The following VPS35L variants were observed in gnomAD, a reference collection of about 807,000 sequenced individuals.
VPS35L encodes the protein VPS35 endosomal protein-sorting factor-like.
A neutral mutation model predicts 133.0 loss-of-function variants in VPS35L; 83 were observed. The ratio of observed to expected loss-of-function variants is 0.62; its 90% CI spans 0.52 to 0.75. The LOEUF is 0.75. VPS35L is among the 30% of genes least tolerant of loss of function. The probability of loss-of-function intolerance (pLI) is 0.00; values close to 1 mark genes in which losing one functional copy is unlikely to be tolerated. For synonymous variants in VPS35L, 423 were observed against 449.9 expected (o/e 0.94, Z 0.76); for missense variants, 1,083 against 1,206.8 (o/e 0.90, Z 1.52).
chr16:19,610,242 T>G, intron 11 of VPS35L, 80 bp from the exon 12 acceptor site: 1 of 1,219,616 alleles, frequency 8.2e-7, no homozygotes, highest in East Asian at 2.6e-5. Flanking sequence ...ATTTAGGAAG[T>G]CTTTATCTTT....
Position 19,633,204 on chromosome 16 carries a change from G to A in VPS35L, c.1635+32G>A. 6.3e-7 allele frequency: 1 copy of A among 1,597,330 alleles called. No individual in the cohort carries two copies. Among genetic ancestry groups the A allele is most frequent in the East Asian group, 2.2e-5 (1 of 44,816 alleles). On this transcript the variant is annotated intron_variant, in intron 19 of 30. Coordinates refer to ENST00000417362, the MANE Select transcript of VPS35L (RefSeq NM_020314.7). The surrounding 1 kb of genome is among the most constrained non-coding windows in gnomAD (Gnocchi z 4.1). Reference sequence around the variant, plus strand: ...GATTTGCATTTCTCATTTCAACATTGTTAGGAATTTTGTTCTGTTGAATTA... The same window carrying A: ...GATTTGCATTTCTCATTTCAACATTATTAGGAATTTTGTTCTGTTGAATTA...
rs1182644220 is a variant in VPS35L at position 19,633,171 on chromosome 16, A to G, written c.1634A>G (p.Gln545Arg). The G allele has an allele frequency of 1.2e-6, 2 of 1,613,698 alleles. No homozygotes were observed. The highest frequency in any genetic ancestry group is 1.7e-6 in the Non-Finnish European group (2 of 1,179,692). The change falls in exon 19 of 31, where the codon CAG (glutamine) becomes CGG (arginine). Residue 545 changes from glutamine (Q) to arginine (R), a missense_variant and splice_region_variant. Coordinates refer to ENST00000417362, the MANE Select transcript of VPS35L (RefSeq NM_020314.7). This position sits in a 1 kb window ranked among gnomAD's most constrained non-coding sequence, Gnocchi z 4.1. ...PDRAFEDSYP[Q>R]LQLIIKKVIA... Reference sequence around the variant, plus strand: ...CGTGCATTTGAAGATTCCTACCCCCAGGTAACAGATTTGCATTTCTCATTT... The same window carrying G: ...CGTGCATTTGAAGATTCCTACCCCCGGGTAACAGATTTGCATTTCTCATTT...
At chr16:19,691,999 C>T (rs915097716) in intron 29 of VPS35L, among the ~76,000 whole-genome samples, 1 of 152,076 alleles carries the variant, frequency 6.6e-6, no homozygotes, top group African/African-American at 2.4e-5. Context: ...CTCAGCCTCC[C>T]AAGTAGCTGG....
Position 19,642,491 on chromosome 16 carries a change from C to A in VPS35L, c.1865+15C>A. 1 of 1,603,688 alleles carries A rather than the reference C, an allele frequency of 6.2e-7. No homozygotes were observed. Among genetic ancestry groups the A allele is most frequent in the Non-Finnish European group, 8.5e-7 (1 of 1,172,110 alleles). On this transcript the variant is annotated intron_variant, in intron 22 of 30. Transcript: ENST00000417362. The stretch of plus-strand genomic sequence containing the variant: ...GACTCTGTGAAGTAAGCCATGCTTA[C>A]AGCTGAAATATAACATGGATTGGGT...
At chr16:19,606,350 T>C (rs983729738) in intron 9 of VPS35L, among the ~76,000 whole-genome samples, 1 of 152,034 alleles carries the variant, frequency 6.6e-6, no homozygotes, top group African/African-American at 2.4e-5. Flanking sequence ...GATTGACAAA[T>C]GAATGTAAGA....
intron 2 of VPS35L, chr16:19,569,186 T>A (rs1184434270): frequency 5.9e-6 from 4 of 673,362 alleles, no homozygotes; most frequent in Non-Finnish European, 5.4e-6. Context: ...CAGTGACCTC[T>A]CAATTAATTT....
chr16:19,577,570 A>C (rs1395339397), intron 5 of VPS35L, among the ~76,000 whole-genome samples: 1 of 152,098 alleles, frequency 6.6e-6, no homozygotes, highest in Admixed American at 6.6e-5. Flanking sequence ...CTTGTAGAAC[A>C]CTTTTGCATT....
rs1317126913 is a variant in VPS35L at position 19,637,538 on chromosome 16, GAAATTTTTAAAAATT to G, written c.1636-53_1636-39del. 19 of 1,319,054 alleles carry G rather than the reference GAAATTTTTAAAAATT, an allele frequency of 1.4e-5. No individual in the cohort carries two copies. In the Admixed American group the frequency reaches 3.9e-4, roughly 27 times the overall value. 81.7% of individuals were successfully genotyped at this position (1,319,054 alleles called of 1,614,324 possible). A position where few individuals can be genotyped will look rare whatever the true frequency, so the allele number is the denominator to read the frequency against. The stretch of plus-strand genomic sequence containing the variant: ...TTCCTGAGAGAATGTAAACCAGAAA[GAAATTTTTAAAAATT>G]AAGTTTTTAAAAATAATATTTTTGT... On this transcript the variant is annotated intron_variant, in intron 19 of 30. Transcript: ENST00000417362.
At chr16:19,654,266 T>C (rs1974227382) in intron 26 of VPS35L, among the ~76,000 whole-genome samples, 1 of 152,160 alleles carries the variant, frequency 6.6e-6, no homozygotes, top group African/African-American at 2.4e-5. Flanking sequence ...CTCATTATCA[T>C]TGTTGCACAC....
intron 7 of VPS35L, among the ~76,000 whole-genome samples, chr16:19,583,185 G>A (rs748639059): frequency 2.6e-5 from 4 of 151,830 alleles, no homozygotes; most frequent in East Asian, 1.9e-4. Flanking sequence ...CAACTAACAC[G>A]CAATCTAGTT....
intron 16 of VPS35L, 149 bp from the exon 17 acceptor site, chr16:19,628,488 T>TA: frequency 4.0e-6 from 2 of 497,394 alleles, no homozygotes; most frequent in Non-Finnish European, 7.2e-6. Context: ...CTGGGGCAGA[T>TA]ATGTGTGATA....
chr16:19,602,655 G>T (rs1032087393), intron 9 of VPS35L, among the ~76,000 whole-genome samples: 3 of 151,844 alleles, frequency 2.0e-5, no homozygotes, highest in African/African-American at 7.3e-5. Context: ...CAGGCTGCAG[G>T]GCAGTGGCAC....
At chr16:19,646,931 A>G (rs1973969567) in intron 23 of VPS35L, among the ~76,000 whole-genome samples, 1 of 152,152 alleles carries the variant, frequency 6.6e-6, no homozygotes, top group Non-Finnish European at 1.5e-5. Flanking sequence ...CCAAAACACC[A>G]ACTGCTGCAA....
At chr16:19,587,651 A>T (rs1418645280) in intron 7 of VPS35L, among the ~76,000 whole-genome samples, 1 of 151,906 alleles carries the variant, frequency 6.6e-6, no homozygotes. Context: ...AAAAAAAAAA[A>T]TTAATTGACC....
intron 22 of VPS35L, among the ~76,000 whole-genome samples, chr16:19,644,243 G>T (rs1231182754): frequency 2.0e-5 from 3 of 152,106 alleles, no homozygotes; most frequent in East Asian, 3.8e-4. Flanking sequence ...TGAGACCTGA[G>T]ATTTACTTTA....
chr16:19,575,645 C>T (rs9745880), intron 5 of VPS35L, among the ~76,000 whole-genome samples: 4,219 of 147,598 alleles, frequency 0.029, 81 homozygotes, highest in Non-Finnish European at 0.042. Context: ...GGCAGATCGC[C>T]TGAGGTCAGG....
At position 19,639,573 on chromosome 16, in the gene VPS35L, G is replaced by C. The variant is rs1008687501; in HGVS notation, c.1699-442G>C. Among the ~76,000 whole-genome samples the C allele has an allele frequency of 6.6e-6, 1 of 152,162 alleles. No individual in the cohort carries two copies. Among genetic ancestry groups the C allele is most frequent in the African/African-American group, 2.4e-5 (1 of 41,428 alleles). On this transcript the variant is annotated intron_variant, in intron 20 of 30. Coordinates refer to ENST00000417362, the MANE Select transcript of VPS35L (RefSeq NM_020314.7). This position sits in a 1 kb window ranked among gnomAD's most constrained non-coding sequence, Gnocchi z 4.1. ...GATAGAGTCTTGCTCTGTCACCCAG[G>C]CTAGAGTGCAGTGGAGTGATCTCGG...
rs372362353 is a variant in VPS35L, at chr16:19,579,027, T to G, written c.434-25T>G. 93 of 1,611,670 alleles carry G rather than the reference T, an allele frequency of 5.8e-5. No individual in the cohort carries two copies. The African/African-American group carries it at 1.1e-3, about 18-fold the overall frequency. On this transcript the variant is annotated intron_variant, in intron 5 of 30. Coordinates refer to ENST00000417362, the MANE Select transcript of VPS35L (RefSeq NM_020314.7). ...ATTGGTGCACGAGAAAAGCCACCTGTGTGACGTAAATTCATTCTGTTTAGG... is the reference window on the plus strand; with the variant it reads ...ATTGGTGCACGAGAAAAGCCACCTGGGTGACGTAAATTCATTCTGTTTAGG...
intron 1 of VPS35L, among the ~76,000 whole-genome samples, chr16:19,557,754 A>G (rs2151494924): frequency 6.6e-6 from 1 of 152,116 alleles, no homozygotes; most frequent in Non-Finnish European, 1.5e-5. Context: ...TTGCTCCTTA[A>G]AAGTTAAAAG....
Sources: allele counts gnomAD v4.1 joint callset (sites outside exome capture counted in the v4.1 genomes callset), GRCh38; gene constraint gnomAD v4.1.1; non-coding constraint Gnocchi (gnomAD v3.1); transcripts MANE v1.5; gene names NCBI Gene and HGNC (gene_info 2026-07-23, HGNC 2026-07-21).